GALNT10: variants seen among roughly 807,000 people sequenced by gnomAD.
GALNT10 encodes the protein polypeptide N-acetylgalactosaminyltransferase 10.
A neutral mutation model predicts 75.0 loss-of-function variants in GALNT10; 41 were observed. The ratio of observed to expected loss-of-function variants is 0.55; its 90% CI spans 0.43 to 0.71. The LOEUF is 0.71. Ranked by LOEUF, GALNT10 falls within the 30% of genes least tolerant of loss-of-function variation. The pLI is 0.00. For synonymous variants in GALNT10, 302 were observed against 313.0 expected (o/e 0.96, Z 0.37); for missense variants, 727 against 818.5 (o/e 0.89, Z 1.36).
rs769249461 is a variant in GALNT10, at chr5:154,363,522, G to C, written c.569-12755G>C. Among the ~76,000 whole-genome samples, 442 of 79,874 alleles carry C rather than the reference G, an allele frequency of 5.5e-3. 2 individuals carry two copies. The highest frequency in any genetic ancestry group is 0.018 in the Middle Eastern group (2 of 112). The allele number at this position is 79,874 out of a possible 152,430, so 52.4% of individuals were successfully genotyped here. ...AAAAAAAAAAAAAAAAAAAAAAAAA[G>C]GCTCCAAACATCTAACAACAATGAC... On this transcript the variant is annotated intron_variant, in intron 4 of 11. Transcript: ENST00000297107.
rs1753820043 is a variant in GALNT10, at chr5:154,269,049, C to T, written c.160-25767C>T. On this transcript the variant is annotated intron_variant, in intron 1 of 11. Transcript: ENST00000297107. ...TCATCTCATTGTGGCTCAAATGCAC[C>T]ATCTCAGCTCACTGCAATCTCCACT... is the stretch of plus-strand genomic sequence containing the variant. Among the ~76,000 whole-genome samples the T allele has an allele frequency of 2.2e-5, 2 of 89,340 alleles. 1 individual carries two copies. Among genetic ancestry groups the T allele is most frequent in the African/African-American group, 1.4e-4 (2 of 14,138 alleles). 58.6% of individuals were successfully genotyped at this position (89,340 alleles called of 152,430 possible).
intron 6 of GALNT10, among the ~76,000 whole-genome samples, chr5:154,382,873 C>T (rs1053650371): frequency 3.3e-5 from 5 of 152,188 alleles, no homozygotes; most frequent in Non-Finnish European, 5.9e-5. Context: ...AGCAAAGGCC[C>T]AGCTAGTGTC....
chr5:154,348,445 T>G (rs939072644), intron 4 of GALNT10, among the ~76,000 whole-genome samples: 1 of 152,260 alleles, frequency 6.6e-6, no homozygotes, highest in Non-Finnish European at 1.5e-5. Context: ...CCTGCTTCTC[T>G]ATGGAGAGGT....
chr5:154,403,508 G>A (rs572821458), intron 7 of GALNT10, among the ~76,000 whole-genome samples: 3 of 152,316 alleles, frequency 2.0e-5, no homozygotes, highest in South Asian at 4.1e-4. Context: ...GGAGGCTGAC[G>A]GAACTGCTCA....
At chr5:154,278,229 AG>A (rs1168821149) in intron 1 of GALNT10, among the ~76,000 whole-genome samples, 1 of 145,938 alleles carries the variant, frequency 6.9e-6, no homozygotes. Flanking sequence ...CACACTGCCA[AG>A]GGGAAGAATC....
intron 3 of GALNT10, 158 bp from the exon 4 acceptor site, chr5:154,329,414 T>C: frequency 1.6e-6 from 1 of 619,422 alleles, no homozygotes; most frequent in East Asian, 2.7e-5. Flanking sequence ...GGATGTCATG[T>C]AGAAGTTCCT....
chr5:154,329,266 A>G (rs993167871), intron 3 of GALNT10, among the ~76,000 whole-genome samples: 3 of 152,200 alleles, frequency 2.0e-5, no homozygotes, highest in African/African-American at 7.2e-5. Flanking sequence ...ATAAATCACA[A>G]TATCACAGCT....
At chr5:154,275,816 T>C (rs1450924120) in intron 1 of GALNT10, among the ~76,000 whole-genome samples, 5 of 152,170 alleles carry the variant, frequency 3.3e-5, no homozygotes, top group Admixed American at 1.3e-4. Flanking sequence ...GATCTAGTCA[T>C]GTAGAAATCA....
At chr5:154,356,415 G>A in intron 4 of GALNT10, 1 of 302,588 alleles carries the variant, frequency 3.3e-6, no homozygotes, top group Admixed American at 4.6e-5. Context: ...GATCTGAGGT[G>A]TGGCAGGGCT....
At chr5:154,393,575 G>A (rs779991136) in intron 7 of GALNT10, among the ~76,000 whole-genome samples, 8 of 152,152 alleles carry the variant, frequency 5.3e-5, no homozygotes, top group African/African-American at 9.7e-5. Context: ...GCTCATGCCC[G>A]TAATTCTCAC....
In GALNT10 at chr5:154,409,418, G is replaced by T. The variant is rs1365443837; in HGVS notation, c.1165-123G>T. 6 of 768,962 alleles carry T rather than the reference G, an allele frequency of 7.8e-6. No individual in the cohort carries two copies. In the South Asian group the frequency reaches 8.4e-5, roughly 11 times the overall value. The allele number at this position is 768,962 out of a possible 1,614,324, so 47.6% of individuals were successfully genotyped here. ...GAAGGCCTAAACTCACGGTGGGGCTGGGATTTTTGATGGAACATAAAATAA... is the reference window on the plus strand; with the variant it reads ...GAAGGCCTAAACTCACGGTGGGGCTTGGATTTTTGATGGAACATAAAATAA... On this transcript the variant is annotated intron_variant, in intron 8 of 11. Coordinates refer to ENST00000297107, the MANE Select transcript of GALNT10 (RefSeq NM_198321.4). This position sits in a 1 kb window ranked among gnomAD's most constrained non-coding sequence, Gnocchi z 4.5.
chr5:154,238,506 C>A (rs1375832653), intron 1 of GALNT10, among the ~76,000 whole-genome samples: 2 of 152,104 alleles, frequency 1.3e-5, no homozygotes, highest in Non-Finnish European at 2.9e-5. Context: ...TTATTTCTCC[C>A]CACGTGCATC....
At chr5:154,325,612 A>G (rs886861943) in intron 3 of GALNT10, among the ~76,000 whole-genome samples, 1 of 151,304 alleles carries the variant, frequency 6.6e-6, no homozygotes, top group East Asian at 1.9e-4. Context: ...CAAAACTTAC[A>G]TAATCATCTC....
chr5:154,371,857 G>A (rs1755576156), intron 4 of GALNT10, among the ~76,000 whole-genome samples: 1 of 152,114 alleles, frequency 6.6e-6, no homozygotes, highest in Non-Finnish European at 1.5e-5. Flanking sequence ...TCTTGGCAGA[G>A]GAACAAGAGT....
At chr5:154,389,848 T>C (rs550808521) in intron 7 of GALNT10, among the ~76,000 whole-genome samples, 51 of 152,164 alleles carry the variant, frequency 3.4e-4, no homozygotes, top group African/African-American at 1.2e-3. Flanking sequence ...AAGTCTGTAT[T>C]ACTGTATAGA....
At position 154,376,380 on chromosome 5, in the gene GALNT10, G is replaced by A. The variant is rs373880446; in HGVS notation, c.672G>A (p.Gly224=). ...REGLIRTRML[G]ASVATGDVIT... The stretch of plus-strand genomic sequence containing the variant: ...GGCTGATAAGGACCCGAATGCTGGG[G>A]GCCTCAGTGGCAACTGGGGATGTCA... The change falls in exon 5 of 12, where the codon GGG becomes GGA. Residue 224 remains glycine, a synonymous_variant. Coordinates refer to ENST00000297107, the MANE Select transcript of GALNT10 (RefSeq NM_198321.4). The surrounding 1 kb of genome is among the most constrained non-coding windows in gnomAD (Gnocchi z 4.1). 4 of 1,608,404 alleles carry A rather than the reference G, an allele frequency of 2.5e-6. No homozygotes were observed. In the African/African-American group the frequency reaches 4.0e-5, roughly 16 times the overall value.
At chr5:154,292,339 A>C (rs568485466) in intron 1 of GALNT10, among the ~76,000 whole-genome samples, 2 of 152,202 alleles carry the variant, frequency 1.3e-5, no homozygotes, top group Non-Finnish European at 2.9e-5. Context: ...ATTTCTGGCA[A>C]GTTCCCAGGT....
At chr5:154,217,945 T>C (rs1752909030) in intron 1 of GALNT10, 1 of 880,986 alleles carries the variant, frequency 1.1e-6, no homozygotes, top group Admixed American at 6.2e-5. Flanking sequence ...AACTCCCTGA[T>C]TGGACCTGAA....
At chr5:154,397,574 A>T (rs927497937) in intron 7 of GALNT10, among the ~76,000 whole-genome samples, 2 of 152,210 alleles carry the variant, frequency 1.3e-5, no homozygotes, top group Non-Finnish European at 2.9e-5. Flanking sequence ...CTCAATTCTA[A>T]TTCCAGAACC....
Sources: gnomAD v4.1 joint callset for allele counts (sites outside exome capture counted in the v4.1 genomes callset) on GRCh38, gnomAD v4.1.1 for gene constraint, Gnocchi (gnomAD v3.1) non-coding constraint, MANE v1.5 for transcripts, NCBI Gene and HGNC (gene_info 2026-07-23, HGNC 2026-07-21) for gene names.